ROBO1: variants seen among roughly 807,000 people sequenced by gnomAD.
ROBO1 encodes the protein roundabout homolog 1.
In ROBO1, 149 loss-of-function variants were observed where a neutral mutation model predicts 195.9. The ratio of observed to expected loss-of-function variants is 0.76; its 90% CI spans 0.67 to 0.87. The LOEUF is 0.87. Among genes scored for constraint, ROBO1 ranks in the 40% least tolerant of loss-of-function variants. The pLI, the probability that ROBO1 is intolerant of heterozygous loss-of-function variation, is 0.00. For missense variants in ROBO1, 1,933 were observed against 2,068.3 expected (o/e 0.93, Z 1.27); for synonymous variants, 816 against 733.2 (o/e 1.11, Z -1.82).
chr3:79,713,346 G>A (rs1186511470), intron 1 of ROBO1, among the ~76,000 whole-genome samples: 2 of 151,990 alleles, frequency 1.3e-5, no homozygotes, highest in Non-Finnish European at 2.9e-5. Context: ...TGATGGATGT[G>A]GGCAAGGTAA....
intron 4 of ROBO1, among the ~76,000 whole-genome samples, chr3:78,808,481 G>A (rs886509683): frequency 1.1e-4 from 16 of 152,114 alleles, no homozygotes; most frequent in Non-Finnish European, 4.4e-5. Context: ...GGGATTACAG[G>A]CATGAGCCAC....
At chr3:79,215,414 G>A (rs1412003027) in intron 2 of ROBO1, among the ~76,000 whole-genome samples, 2 of 151,870 alleles carry the variant, frequency 1.3e-5, no homozygotes, top group African/African-American at 4.8e-5. Context: ...TAAACTAATC[G>A]GAGGAAGGAG....
intron 2 of ROBO1, among the ~76,000 whole-genome samples, chr3:79,520,684 C>G (rs1006290723): frequency 6.6e-6 from 1 of 152,000 alleles, no homozygotes; most frequent in Non-Finnish European, 1.5e-5. Context: ...ACAGAGATTA[C>G]ACGGATGATA....
intron 1 of ROBO1, among the ~76,000 whole-genome samples, chr3:79,598,051 T>A (rs909224811): frequency 2.6e-5 from 4 of 152,074 alleles, no homozygotes; most frequent in African/African-American, 9.6e-5. Flanking sequence ...ACTTTCAGGA[T>A]ACAGAAAATT....
chr3:79,509,881 G>A (rs1182035559), intron 2 of ROBO1, among the ~76,000 whole-genome samples: 2 of 151,928 alleles, frequency 1.3e-5, no homozygotes, highest in Admixed American at 6.6e-5. Flanking sequence ...GATTTCCATT[G>A]TCAGGCGTAC....
Position 78,702,949 on chromosome 3 carries a change from C to T in ROBO1, c.1045+11448G>A, listed in dbSNP as rs561591085. Among the ~76,000 whole-genome samples, 52 of 152,206 alleles carry T rather than the reference C, an allele frequency of 3.4e-4. 1 individual carries two copies. In the Middle Eastern group the frequency reaches 0.02, roughly 60 times the overall value. On this transcript the variant is annotated intron_variant, in intron 8 of 30. Coordinates refer to ENST00000464233, the MANE Select transcript of ROBO1 (RefSeq NM_002941.4). Reference sequence around the variant, plus strand: ...CTTATTTCTTCAAATATTTGCCTGGCGTGCACAATTAAGAGAGCATTTCAA... The same window carrying T: ...CTTATTTCTTCAAATATTTGCCTGGTGTGCACAATTAAGAGAGCATTTCAA...
At chr3:79,628,912 T>C (rs1945260586) in intron 1 of ROBO1, among the ~76,000 whole-genome samples, 1 of 152,236 alleles carries the variant, frequency 6.6e-6, no homozygotes, top group South Asian at 2.1e-4. Context: ...GAAGTCATTG[T>C]ATAATGACAA....
intron 2 of ROBO1, among the ~76,000 whole-genome samples, chr3:79,463,392 C>CA (rs1379196419): frequency 4.4e-5 from 6 of 137,350 alleles, no homozygotes; most frequent in Non-Finnish European, 4.7e-5. Flanking sequence ...AAACATAAAA[C>CA]AAAAAACAAA....
chr3:79,052,757 C>T (rs1023400179), intron 3 of ROBO1, among the ~76,000 whole-genome samples: 3 of 152,120 alleles, frequency 2.0e-5, no homozygotes, highest in Non-Finnish European at 2.9e-5. Flanking sequence ...CTGGCACCCA[C>T]ATGGTCTTTC....
chr3:78,779,743 T>G (rs1217505446), intron 4 of ROBO1, among the ~76,000 whole-genome samples: 1 of 152,140 alleles, frequency 6.6e-6, no homozygotes, highest in Non-Finnish European at 1.5e-5. Context: ...GACCTAGCAA[T>G]CCCATTACTG....
intron 2 of ROBO1, among the ~76,000 whole-genome samples, chr3:79,422,757 G>A (rs759072627): frequency 2.0e-5 from 3 of 152,046 alleles, no homozygotes; most frequent in Non-Finnish European, 4.4e-5. Context: ...TGATCCATTT[G>A]CACATTCTTG....
intron 4 of ROBO1, among the ~76,000 whole-genome samples, chr3:78,810,474 A>G (rs958845743): frequency 6.6e-6 from 1 of 152,082 alleles, no homozygotes; most frequent in Non-Finnish European, 1.5e-5. Context: ...TTATTGAAGG[A>G]AAAAAAATCA....
At chr3:78,914,247 A>G (rs1469476245) in intron 4 of ROBO1, among the ~76,000 whole-genome samples, 1 of 152,194 alleles carries the variant, frequency 6.6e-6, no homozygotes, top group Non-Finnish European at 1.5e-5. Flanking sequence ...CAAAAATCAT[A>G]AAGGCTATAT....
intron 2 of ROBO1, among the ~76,000 whole-genome samples, chr3:79,188,866 T>C (rs2081488958): frequency 6.6e-6 from 1 of 151,746 alleles, no homozygotes; most frequent in Non-Finnish European, 1.5e-5. Context: ...GTAATGGTAT[T>C]AGGAGTTGAT....
At chr3:79,757,600 GC>G (rs1342017447) in intron 1 of ROBO1, among the ~76,000 whole-genome samples, 1 of 151,856 alleles carries the variant, frequency 6.6e-6, no homozygotes, top group Non-Finnish European at 1.5e-5. Flanking sequence ...GATCACTTGA[GC>G]CCCGGAGTTC....
chr3:78,739,302 C>A (rs1362692243), intron 5 of ROBO1, among the ~76,000 whole-genome samples: 1 of 152,058 alleles, frequency 6.6e-6, no homozygotes, highest in African/African-American at 2.4e-5. Flanking sequence ...TATATCTATA[C>A]AAAATTCCCC....
intron 10 of ROBO1, among the ~76,000 whole-genome samples, chr3:78,672,031 C>T (rs1247073191): frequency 6.6e-6 from 1 of 152,122 alleles, no homozygotes; most frequent in East Asian, 1.9e-4. Flanking sequence ...CTAGCATCTG[C>T]CATATGTCTT....
intron 3 of ROBO1, among the ~76,000 whole-genome samples, chr3:79,050,332 C>A (rs1418973438): frequency 6.6e-6 from 1 of 152,134 alleles, no homozygotes; most frequent in Non-Finnish European, 1.5e-5. Context: ...GGGATCAATT[C>A]AACAAGAAGA....
intron 4 of ROBO1, among the ~76,000 whole-genome samples, chr3:78,809,680 G>A (rs895934897): frequency 4.6e-5 from 7 of 152,154 alleles, no homozygotes; most frequent in Admixed American, 1.3e-4. Flanking sequence ...ATGAGTTCAC[G>A]TCCTTTGCAA....
Sources: gnomAD v4.1 joint callset for allele counts (sites outside exome capture counted in the v4.1 genomes callset) on GRCh38, gnomAD v4.1.1 for gene constraint, MANE v1.5 for transcripts, NCBI Gene and HGNC (gene_info 2026-07-23, HGNC 2026-07-21) for gene names.